The following ESRRG variants were observed in gnomAD, a reference collection of about 807,000 sequenced individuals.
The protein encoded by ESRRG is estrogen related receptor gamma, also known as estrogen-related receptor gamma.
ESRRG carries 13 observed loss-of-function variants against 44.0 expected under a neutral mutation model. The observed-to-expected ratio is 0.30, with a 90% CI of 0.19 to 0.47. The LOEUF is 0.47. ESRRG is among the 20% of genes least tolerant of loss of function. The pLI is 1.00. For missense variants in ESRRG, 395 were observed against 580.6 expected (o/e 0.68, Z 3.29); for synonymous variants, 215 against 214.6 (o/e 1.00, Z -0.02).
At chr1:217,097,467 T>C (rs777282498) in intron 1 of ESRRG, among the ~76,000 whole-genome samples, 15 of 152,096 alleles carry the variant, frequency 9.9e-5, no homozygotes, top group Admixed American at 9.2e-4. Flanking sequence ...AAATGCTCAA[T>C]ACCAGGCTTT....
intron 2 of ESRRG, among the ~76,000 whole-genome samples, chr1:216,880,250 T>C (rs1249915133): frequency 7.8e-5 from 10 of 128,686 alleles, no homozygotes; most frequent in Non-Finnish European, 3.1e-5. Context: ...GAGGTTGCAG[T>C]GTGCCAAGAT....
At chr1:217,098,491 C>A (rs1000166647) in intron 1 of ESRRG, among the ~76,000 whole-genome samples, 3 of 152,120 alleles carry the variant, frequency 2.0e-5, no homozygotes, top group Admixed American at 6.5e-5. Context: ...TACTGAGATC[C>A]GGGATTCCAG....
chr1:217,012,827 G>C (rs946390150), intron 1 of ESRRG, among the ~76,000 whole-genome samples: 1 of 152,030 alleles, frequency 6.6e-6, no homozygotes, highest in African/African-American at 2.4e-5. Context: ...TTTGCCCTAG[G>C]GCTATTGTAA....
At chr1:217,088,814 C>A (rs900927984) in intron 1 of ESRRG, among the ~76,000 whole-genome samples, 4 of 152,038 alleles carry the variant, frequency 2.6e-5, no homozygotes, top group Admixed American at 1.3e-4. Flanking sequence ...CTCTGAGACT[C>A]TCCCATCACC....
intron 3 of ESRRG, among the ~76,000 whole-genome samples, chr1:216,650,119 T>C (rs2068590170): frequency 6.6e-6 from 1 of 152,188 alleles, no homozygotes; most frequent in Non-Finnish European, 1.5e-5. Flanking sequence ...ACTGTGTTTA[T>C]TTCAAACTCT....
intron 1 of ESRRG, among the ~76,000 whole-genome samples, chr1:217,118,600 C>T (rs1337642295): frequency 6.6e-6 from 1 of 152,124 alleles, no homozygotes; most frequent in Non-Finnish European, 1.5e-5. Context: ...ATAAATCACA[C>T]ATGCAAAAAG....
rs777925244 is a variant in ESRRG at position 216,506,894 on chromosome 1, T to C, written c.*45A>G. The C allele has an allele frequency of 1.3e-6, 2 of 1,580,658 alleles. No homozygotes were observed. The highest frequency in any genetic ancestry group is 3.7e-5 in the Admixed American group (2 of 54,348). ...TTCGACATCACTCTTGGGTTTATTTTCCCTTTTTCAACATGAAGGATGGGA... is the reference window on the plus strand; with the variant it reads ...TTCGACATCACTCTTGGGTTTATTTCCCCTTTTTCAACATGAAGGATGGGA... On this transcript the variant is annotated 3_prime_UTR_variant, in exon 7 of 7. Coordinates refer to ENST00000408911, the MANE Select transcript of ESRRG (RefSeq NM_001438.4).
chr1:217,131,201 C>T (rs77822327), intron 1 of ESRRG, among the ~76,000 whole-genome samples: 2,106 of 152,010 alleles, frequency 0.014, 25 homozygotes, highest in Non-Finnish European at 0.021. Flanking sequence ...TGTTAAATAC[C>T]CAAGCTATGA....
chr1:216,959,171 T>C (rs1469582842), intron 1 of ESRRG, among the ~76,000 whole-genome samples: 1 of 152,078 alleles, frequency 6.6e-6, no homozygotes, highest in African/African-American at 2.4e-5. Context: ...CAAGGAATTT[T>C]GACCATTCAT....
intron 2 of ESRRG, among the ~76,000 whole-genome samples, chr1:216,850,172 G>A (rs531851491): frequency 6.6e-6 from 1 of 151,866 alleles, no homozygotes; most frequent in South Asian, 2.1e-4. Flanking sequence ...CAAACCATTG[G>A]CATCATCCAA....
chr1:217,077,153 GTGGCTGAATCCA>G (rs1261557936), intron 1 of ESRRG, among the ~76,000 whole-genome samples: 5 of 152,134 alleles, frequency 3.3e-5, no homozygotes, highest in Non-Finnish European at 7.3e-5. Context: ...GCAGTTAGTG[GTGGCTGAATCCA>G]TGGTTACCCG....
intron 1 of ESRRG, among the ~76,000 whole-genome samples, chr1:217,081,218 A>ATTATTTTTT (rs1454943896): frequency 3.1e-5 from 1 of 32,748 alleles, no homozygotes; most frequent in Non-Finnish European, 6.5e-5. Flanking sequence ...AGATAAAAAT[A>ATTATTTTTT]TTCTTTTTTT....
At chr1:217,088,279 C>T (rs757973782) in intron 1 of ESRRG, among the ~76,000 whole-genome samples, 4 of 152,020 alleles carry the variant, frequency 2.6e-5, no homozygotes, top group Admixed American at 6.6e-5. Context: ...TCACAACATC[C>T]GCAGGTCTCT....
At chr1:216,728,916 A>T (rs2088135992) in intron 2 of ESRRG, among the ~76,000 whole-genome samples, 1 of 152,126 alleles carries the variant, frequency 6.6e-6, no homozygotes, top group South Asian at 2.1e-4. Context: ...ATAAATGACT[A>T]TGTTTGATAA....
intron 2 of ESRRG, among the ~76,000 whole-genome samples, chr1:216,734,486 G>T (rs868078531): frequency 1.3e-5 from 2 of 152,168 alleles, no homozygotes; most frequent in African/African-American, 4.8e-5. Context: ...TTAAAAGTGT[G>T]TAGCACCTCT....
intron 2 of ESRRG, among the ~76,000 whole-genome samples, chr1:216,811,790 A>G (rs1227998090): frequency 6.6e-6 from 1 of 152,240 alleles, no homozygotes; most frequent in African/African-American, 2.4e-5. Context: ...TGATTTTTAC[A>G]GGTGTTTAAT....
intron 3 of ESRRG, among the ~76,000 whole-genome samples, chr1:216,575,898 C>T (rs1283839230): frequency 6.6e-6 from 1 of 152,076 alleles, no homozygotes; most frequent in Non-Finnish European, 1.5e-5. Context: ...AACACTGTTA[C>T]TCAAAAGGGC....
intron 1 of ESRRG, among the ~76,000 whole-genome samples, chr1:216,949,766 T>A (rs890269203): frequency 6.6e-6 from 1 of 152,130 alleles, no homozygotes; most frequent in Non-Finnish European, 1.5e-5. Context: ...ATCATTTGAT[T>A]ATTCTCTTTT....
intron 1 of ESRRG, among the ~76,000 whole-genome samples, chr1:216,696,969 T>A (rs977729091): frequency 3.3e-5 from 5 of 151,372 alleles, no homozygotes; most frequent in African/African-American, 1.2e-4. Flanking sequence ...GAATAAAATA[T>A]CTTTTTTTTT....
Sources: allele counts gnomAD v4.1 joint callset (sites outside exome capture counted in the v4.1 genomes callset), GRCh38; gene constraint gnomAD v4.1.1; transcripts MANE v1.5; gene names NCBI Gene and HGNC (gene_info 2026-07-23, HGNC 2026-07-21).